Variants in APBA1 observed in about 807,000 individuals in gnomAD.
APBA1 encodes the protein amyloid beta precursor protein binding family A member 1, also known as amyloid-beta A4 precursor protein-binding family A member 1.
Under a neutral mutation model 86.6 loss-of-function variants are expected in APBA1, and 55 were observed. That is an observed-to-expected ratio of 0.64 (90% CI 0.51 to 0.80). The LOEUF (loss-of-function observed/expected upper bound fraction) is 0.80. APBA1 is among the 30% of genes least tolerant of loss of function. APBA1 has a pLI of 0.00. For synonymous variants in APBA1, 511 were observed against 493.9 expected (o/e 1.03, Z -0.46); for missense variants, 1,090 against 1,183.0 (o/e 0.92, Z 1.15).
rs559912739 is a variant in APBA1 at position 69,606,530 on chromosome 9, C to T, written c.-70+65623G>A. On this transcript the variant is annotated intron_variant, in intron 1 of 12. Transcript: ENST00000265381. ...TTTTTGAAATGGAGTCTCGCTCTGT[C>T]GCCCAGGCTGGAGTGCAGTGGCACG... Among the ~76,000 whole-genome samples the T allele has an allele frequency of 4.1e-3, 461 of 112,592 alleles. 1 individual carries two copies. Among genetic ancestry groups the T allele is most frequent in the Non-Finnish European group, 5.6e-3 (342 of 60,702 alleles). 73.9% of individuals were successfully genotyped at this position (112,592 alleles called of 152,430 possible).
At chr9:69,614,445 A>G (rs1196494078) in intron 1 of APBA1, among the ~76,000 whole-genome samples, 2 of 152,356 alleles carry the variant, frequency 1.3e-5, no homozygotes, top group African/African-American at 4.8e-5. Flanking sequence ...TATATATACA[A>G]ATGTTAAAAA....
intron 8 of APBA1, among the ~76,000 whole-genome samples, chr9:69,455,877 C>T (rs1358019799): frequency 1.3e-5 from 2 of 152,140 alleles, no homozygotes; most frequent in African/African-American, 4.8e-5. Context: ...TTGCTCCTTC[C>T]TCTTTCTCAC....
intron 2 of APBA1, among the ~76,000 whole-genome samples, chr9:69,505,263 T>C (rs993911653): frequency 2.0e-5 from 3 of 152,108 alleles, no homozygotes; most frequent in African/African-American, 7.2e-5. Context: ...TCCCTTAACA[T>C]AAGGCTTTGG....
chr9:69,510,324 G>C (rs1836011538), intron 2 of APBA1, among the ~76,000 whole-genome samples: 1 of 151,644 alleles, frequency 6.6e-6, no homozygotes, highest in South Asian at 2.1e-4. Context: ...ATTCACAATT[G>C]CTTCACAGAG....
intron 1 of APBA1, among the ~76,000 whole-genome samples, chr9:69,617,258 T>C (rs1822718803): frequency 6.6e-6 from 1 of 152,160 alleles, no homozygotes; most frequent in Admixed American, 6.5e-5. Context: ...CCCACTGCAA[T>C]GCCTATTACC....
At chr9:69,549,366 G>GT (rs1836749040) in intron 1 of APBA1, among the ~76,000 whole-genome samples, 1 of 152,150 alleles carries the variant, frequency 6.6e-6, no homozygotes, top group African/African-American at 2.4e-5. Flanking sequence ...TTAGAACACT[G>GT]TTTAAGAATG....
chr9:69,468,770 C>T (rs1450898499), intron 4 of APBA1, among the ~76,000 whole-genome samples: 5 of 152,166 alleles, frequency 3.3e-5, no homozygotes, highest in Admixed American at 6.5e-5. Flanking sequence ...AACCCTAACT[C>T]GAAATTAAAA....
chr9:69,544,623 T>G (rs1836667751), intron 1 of APBA1, among the ~76,000 whole-genome samples: 2 of 152,210 alleles, frequency 1.3e-5, no homozygotes, highest in Non-Finnish European at 2.9e-5. Flanking sequence ...TAATAGGGAC[T>G]CCTCCCACAA....
chr9:69,622,744 G>A (rs145182189), intron 1 of APBA1, among the ~76,000 whole-genome samples: 48 of 152,240 alleles, frequency 3.2e-4, no homozygotes, highest in African/African-American at 9.9e-4. Flanking sequence ...ACTTCTGTAC[G>A]TCCAAGAACA....
intron 2 of APBA1, among the ~76,000 whole-genome samples, chr9:69,491,444 G>A (rs1835708587): frequency 2.0e-5 from 3 of 151,930 alleles, no homozygotes. Flanking sequence ...ATCACACACT[G>A]GGGCCTGTCA....
At chr9:69,491,953 T>C (rs62567192) in intron 2 of APBA1, among the ~76,000 whole-genome samples, 16,135 of 151,796 alleles carry the variant, frequency 0.11, 1,014 homozygotes, top group East Asian at 0.28. Context: ...TTAGTAGAGA[T>C]GGGGTTTCAT....
At chr9:69,569,991 T>A (rs1414611259) in intron 1 of APBA1, among the ~76,000 whole-genome samples, 1 of 152,216 alleles carries the variant, frequency 6.6e-6, no homozygotes, top group Admixed American at 6.5e-5. Flanking sequence ...TTTAAATGCA[T>A]TCCAAGACAG....
At chr9:69,596,659 C>G (rs1300763174) in intron 1 of APBA1, among the ~76,000 whole-genome samples, 1 of 152,166 alleles carries the variant, frequency 6.6e-6, no homozygotes, top group South Asian at 2.1e-4. Flanking sequence ...ACAGATGTTG[C>G]ATTCTGTTTA....
At chr9:69,475,267 T>C (rs1835425199) in intron 3 of APBA1, among the ~76,000 whole-genome samples, 1 of 152,202 alleles carries the variant, frequency 6.6e-6, no homozygotes, top group African/African-American at 2.4e-5. Flanking sequence ...AGGGATACTT[T>C]AGAGCTGCAC....
chr9:69,571,187 A>C (rs1319146304), intron 1 of APBA1, among the ~76,000 whole-genome samples: 2 of 152,218 alleles, frequency 1.3e-5, no homozygotes, highest in African/African-American at 4.8e-5. Context: ...AATGCATGAC[A>C]AGGGTTGAAA....
Position 69,517,213 on chromosome 9 carries a change from T to C in APBA1, c.-3A>G. 2 of 1,479,972 alleles carry C rather than the reference T, an allele frequency of 1.4e-6. No homozygotes were observed. Among genetic ancestry groups the C allele is most frequent in the Non-Finnish European group, 1.8e-6 (2 of 1,114,720 alleles). The allele number at this position is 1,479,972 out of a possible 1,614,324, so 91.7% of individuals were successfully genotyped here. Reference sequence around the variant, plus strand: ...GCAGACCCCTCCAAGTGGTTCATGGTGGGAGTCGGAACGGCTAGGAGAGAA... The same window carrying C: ...GCAGACCCCTCCAAGTGGTTCATGGCGGGAGTCGGAACGGCTAGGAGAGAA... On this transcript the variant is annotated 5_prime_UTR_variant, in exon 2 of 13. Coordinates refer to ENST00000265381, the MANE Select transcript of APBA1 (RefSeq NM_001163.4).
chr9:69,613,937 A>G (rs374518507), intron 1 of APBA1, among the ~76,000 whole-genome samples: 130 of 152,274 alleles, frequency 8.5e-4, no homozygotes, highest in African/African-American at 2.9e-3. Flanking sequence ...AGAAGCAATC[A>G]CATTGCAAAA....
At chr9:69,498,591 C>T (rs1835835611) in intron 2 of APBA1, among the ~76,000 whole-genome samples, 1 of 152,156 alleles carries the variant, frequency 6.6e-6, no homozygotes, top group Admixed American at 6.5e-5. Context: ...GTACACTCTG[C>T]ACCAGCAGAG....
intron 1 of APBA1, among the ~76,000 whole-genome samples, chr9:69,605,275 A>T (rs1176678740): frequency 6.6e-6 from 1 of 152,220 alleles, no homozygotes; most frequent in Non-Finnish European, 1.5e-5. Context: ...CAGTAAAAAA[A>T]AAAATTATCT....
Sources: allele counts gnomAD v4.1 joint callset (sites outside exome capture counted in the v4.1 genomes callset), GRCh38; gene constraint gnomAD v4.1.1; transcripts MANE v1.5; gene names NCBI Gene and HGNC (gene_info 2026-07-23, HGNC 2026-07-21).